Variants in ZFPM2 observed in about 807,000 individuals in gnomAD.
ZFPM2 encodes zinc finger protein ZFPM2.
Under a neutral mutation model 98.6 loss-of-function variants are expected in ZFPM2, and 20 were observed. That is an observed-to-expected ratio of 0.20 (90% CI 0.14 to 0.29). The LOEUF (loss-of-function observed/expected upper bound fraction) is 0.29, where lower values mean the gene tolerates loss of function less well. Ranked by LOEUF, ZFPM2 falls within the 10% of genes least tolerant of loss-of-function variation. ZFPM2 has a pLI of 1.00. For missense variants in ZFPM2, 1,310 were observed against 1,388.6 expected (o/e 0.94, Z 0.90); for synonymous variants, 518 against 502.7 (o/e 1.03, Z -0.41).
intron 3 of ZFPM2, among the ~76,000 whole-genome samples, chr8:105,528,226 T>A (rs1324662026): frequency 6.6e-6 from 1 of 152,114 alleles, no homozygotes; most frequent in Non-Finnish European, 1.5e-5. Context: ...TCAGTTGATC[T>A]GGGGTGGGCT....
At chr8:105,476,772 TTA>T (rs1231515149) in intron 3 of ZFPM2, among the ~76,000 whole-genome samples, 2 of 151,932 alleles carry the variant, frequency 1.3e-5, no homozygotes, top group Non-Finnish European at 1.5e-5. Context: ...ATATCCTCTT[TTA>T]AAATTAGCAT....
rs758700680 is a variant in ZFPM2, at chr8:105,582,062, T to C, written c.420+20581T>C. ...TTTCTGTTTAATAGTAAAGTTAGTG[T>C]GAGGGTTGAAGTGAGATCATTTGTT... is the stretch of plus-strand genomic sequence containing the variant. On this transcript the variant is annotated intron_variant, in intron 4 of 7. Transcript: ENST00000407775. Among the ~76,000 whole-genome samples the C allele has an allele frequency of 1.9e-4, 29 of 152,326 alleles. No individual in the cohort carries two copies. In the East Asian group the frequency reaches 5.4e-3, roughly 28 times the overall value.
intron 6 of ZFPM2, 80 bp downstream of exon 6, chr8:105,789,004 C>G (rs2131136809): frequency 8.5e-7 from 1 of 1,180,594 alleles, no homozygotes; most frequent in East Asian, 2.6e-5. Flanking sequence ...TGACAAGAAA[C>G]CAGGAACAGA....
At chr8:105,709,752 A>C (rs1338060761) in intron 5 of ZFPM2, among the ~76,000 whole-genome samples, 1 of 152,116 alleles carries the variant, frequency 6.6e-6, no homozygotes, top group Non-Finnish European at 1.5e-5. Context: ...AATTTTAGGA[A>C]CTTTTTGTAG....
At chr8:105,670,890 C>T (rs1817582327) in intron 5 of ZFPM2, among the ~76,000 whole-genome samples, 1 of 152,038 alleles carries the variant, frequency 6.6e-6, no homozygotes, top group African/African-American at 2.4e-5. Flanking sequence ...TCAGTATTGG[C>T]AGTAGATTAG....
intron 5 of ZFPM2, among the ~76,000 whole-genome samples, chr8:105,733,425 A>G (rs1438841328): frequency 6.6e-6 from 1 of 151,908 alleles, no homozygotes; most frequent in Admixed American, 6.6e-5. Context: ...AGTTTTTTAC[A>G]AGCCTTATTT....
rs564325220 is a variant in ZFPM2 at position 105,627,243 on chromosome 8, A to G, written c.421-7003A>G. On this transcript the variant is annotated intron_variant, in intron 4 of 7. Transcript: ENST00000407775. ...AGTGGATGCTAGTCTGACCTCTCTC[A>G]TCCACATTAGATGATTTTAATTATT... Among the ~76,000 whole-genome samples the G allele has an allele frequency of 1.4e-4, 21 of 152,238 alleles. No homozygotes were observed. In the East Asian group the frequency reaches 3.9e-3, roughly 28 times the overall value.
intron 3 of ZFPM2, among the ~76,000 whole-genome samples, chr8:105,534,117 CCCTTCCTT>C (rs1434242972): frequency 1.8e-4 from 4 of 21,638 alleles, no homozygotes; most frequent in African/African-American, 9.1e-4. Context: ...CTTCCTTCCT[CCCTTCCTT>C]CCTCCCTTCC....
intron 3 of ZFPM2, among the ~76,000 whole-genome samples, chr8:105,551,776 T>C (rs1017513955): frequency 2.0e-5 from 3 of 152,146 alleles, no homozygotes; most frequent in Non-Finnish European, 2.9e-5. Flanking sequence ...TAACAATATT[T>C]ACCTGTCAAA....
intron 4 of ZFPM2, among the ~76,000 whole-genome samples, chr8:105,614,052 A>C (rs1816363856): frequency 6.6e-6 from 1 of 152,146 alleles, no homozygotes; most frequent in Non-Finnish European, 1.5e-5. Flanking sequence ...ACAACAACAA[A>C]AACAACAAAA....
intron 4 of ZFPM2, among the ~76,000 whole-genome samples, chr8:105,623,923 A>G (rs920602576): frequency 1.3e-5 from 2 of 152,202 alleles, no homozygotes; most frequent in African/African-American, 2.4e-5. Context: ...CAATTGGCCA[A>G]TGCAAATAGT....
rs1811129158 is a variant in ZFPM2 at position 105,392,508 on chromosome 8, T to A, written c.41-26636T>A. 2.6e-5 allele frequency among the ~76,000 whole-genome samples: 4 copies of A among 152,162 alleles called. No homozygotes were observed. In the South Asian group the frequency reaches 8.3e-4, roughly 31 times the overall value. ...TAAAATGTCACCTTCCTTTGTCTAG[T>A]CTCCAACTACAATATGATAAAATTT... On this transcript the variant is annotated intron_variant, in intron 1 of 7. Coordinates refer to ENST00000407775, the MANE Select transcript of ZFPM2 (RefSeq NM_012082.4).
intron 4 of ZFPM2, among the ~76,000 whole-genome samples, chr8:105,613,598 T>C (rs1816353427): frequency 1.3e-5 from 2 of 152,108 alleles, no homozygotes; most frequent in South Asian, 2.1e-4. Flanking sequence ...TTTAGCGTCA[T>C]TGAAGAATAA....
intron 5 of ZFPM2, among the ~76,000 whole-genome samples, chr8:105,693,830 C>T (rs575811369): frequency 1.3e-5 from 2 of 152,082 alleles, no homozygotes; most frequent in African/African-American, 4.8e-5. Flanking sequence ...TGTAGTCATA[C>T]AATGGGTAAT....
chr8:105,524,025 T>C (rs2343298), intron 3 of ZFPM2, among the ~76,000 whole-genome samples: 112,940 of 152,052 alleles, frequency 0.74, 42,413 homozygotes, highest in African/African-American at 0.86. Flanking sequence ...TAGAGCTGTA[T>C]CTACCTAGAG....
chr8:105,732,887 T>C (rs1409275780), intron 5 of ZFPM2, among the ~76,000 whole-genome samples: 1 of 151,804 alleles, frequency 6.6e-6, no homozygotes, highest in Non-Finnish European at 1.5e-5. Flanking sequence ...GATACCAAAA[T>C]GGAATGCAGC....
At chr8:105,597,196 T>C (rs1287260282) in intron 4 of ZFPM2, among the ~76,000 whole-genome samples, 1 of 152,070 alleles carries the variant, frequency 6.6e-6, no homozygotes, top group African/African-American at 2.4e-5. Context: ...CTGTTTAAAA[T>C]CACAGAATAT....
chr8:105,625,955 GAC>G (rs1816645039), intron 4 of ZFPM2, among the ~76,000 whole-genome samples: 2 of 146,256 alleles, frequency 1.4e-5, no homozygotes, highest in African/African-American at 5.1e-5. Flanking sequence ...AGTTTAAAAT[GAC>G]ACTCTATTTT....
chr8:105,602,404 G>A (rs1389468178), intron 4 of ZFPM2, among the ~76,000 whole-genome samples: 3 of 152,090 alleles, frequency 2.0e-5, no homozygotes, highest in South Asian at 2.1e-4. Flanking sequence ...TCTTTGTCCA[G>A]TTAATAGAAA....
Sources: allele counts gnomAD v4.1 joint callset (sites outside exome capture counted in the v4.1 genomes callset), GRCh38; gene constraint gnomAD v4.1.1; transcripts MANE v1.5; gene names NCBI Gene and HGNC (gene_info 2026-07-23, HGNC 2026-07-21).